Variants in DIS3L2 observed in about 807,000 individuals in gnomAD.
DIS3L2 encodes DIS3-like exonuclease 2.
DIS3L2 carries 34 observed loss-of-function variants against 97.5 expected under a neutral mutation model. That is an observed-to-expected ratio of 0.35 (90% CI 0.27 to 0.46). The LOEUF (loss-of-function observed/expected upper bound fraction) is 0.46, where lower values mean the gene tolerates loss of function less well. DIS3L2 is among the 20% of genes least tolerant of loss of function. DIS3L2 has a pLI of 1.00. For synonymous variants in DIS3L2, 435 were observed against 445.2 expected (o/e 0.98, Z 0.29); for missense variants, 1,038 against 1,146.0 (o/e 0.91, Z 1.36).
chr2:232,035,577 C>A (rs1292727208), intron 5 of DIS3L2, among the ~76,000 whole-genome samples: 5 of 152,170 alleles, frequency 3.3e-5, no homozygotes, highest in Non-Finnish European at 2.9e-5. Context: ...TTAGTTGATG[C>A]AGTTTCTTCA....
chr2:232,296,663 T>G (rs957057180), intron 13 of DIS3L2, among the ~76,000 whole-genome samples: 1 of 152,218 alleles, frequency 6.6e-6, no homozygotes, highest in Non-Finnish European at 1.5e-5. Context: ...TTGCCTTTGC[T>G]TCTCCTTTGC....
intron 12 of DIS3L2, among the ~76,000 whole-genome samples, chr2:232,251,350 AAG>A (rs1287209023): frequency 2.0e-5 from 3 of 152,172 alleles, no homozygotes; most frequent in African/African-American, 7.2e-5. Context: ...GAGGGAAAAA[AAG>A]AGCTCTTGGG....
chr2:232,026,655 G>T (rs1219061009), intron 4 of DIS3L2, among the ~76,000 whole-genome samples: 1 of 152,090 alleles, frequency 6.6e-6, no homozygotes, highest in East Asian at 1.9e-4. Context: ...TGTCTGATGG[G>T]GAGGGTTGTG....
downstream of DIS3L2, among the ~76,000 whole-genome samples, chr2:232,338,550 G>C (rs1305584351): frequency 2.7e-5 from 4 of 150,910 alleles, no homozygotes; most frequent in Non-Finnish European, 5.9e-5. Flanking sequence ...GTATCCACGA[G>C]GGTCAGGTCA....
chr2:232,006,885 C>T lies in DIS3L2; in HGVS notation c.-93-7950C>T, dbSNP rs1017322427. ...AAAAAACAAGCAAACTGAGAGAATGCCATTATTTAAGTAGTGAGGATTTTT... is the reference window on the plus strand; with the variant it reads ...AAAAAACAAGCAAACTGAGAGAATGTCATTATTTAAGTAGTGAGGATTTTT... On this transcript the variant is annotated intron_variant, in intron 1 of 20. Coordinates refer to ENST00000325385, the MANE Select transcript of DIS3L2 (RefSeq NM_152383.5). 3.3e-5 allele frequency among the ~76,000 whole-genome samples: 5 copies of T among 152,078 alleles called. 1 individual carries two copies. Among genetic ancestry groups the T allele is most frequent in the African/African-American group, 9.7e-5 (4 of 41,384 alleles).
intron 14 of DIS3L2, among the ~76,000 whole-genome samples, chr2:232,300,433 G>A (rs1694824753): frequency 6.6e-6 from 1 of 152,138 alleles, no homozygotes; most frequent in Non-Finnish European, 1.5e-5. Flanking sequence ...GTGCCTGCTT[G>A]TTTGGTTCAC....
At chr2:232,045,483 AG>A (rs1189426664) in intron 5 of DIS3L2, among the ~76,000 whole-genome samples, 21 of 152,270 alleles carry the variant, frequency 1.4e-4, no homozygotes, top group African/African-American at 4.8e-4. Context: ...TCAAAGATCA[AG>A]GCACTGGCAG....
rs144414610 is a variant in DIS3L2, at chr2:232,314,957, C to T, written c.1739+14838C>T. Among the ~76,000 whole-genome samples the T allele has an allele frequency of 8.5e-3, 1,292 of 152,308 alleles. 23 individuals carry two copies. The highest frequency in any genetic ancestry group is 0.049 in the Admixed American group (747 of 15,302). On this transcript the variant is annotated intron_variant, in intron 14 of 20. Coordinates refer to ENST00000325385, the MANE Select transcript of DIS3L2 (RefSeq NM_152383.5). ...TTTCTCAGAAGGTCCTGGAATGACT[C>T]GTTTCTCTCTCTGCCTCTCTGGGTA...
At chr2:232,038,936 A>T (rs1695029636) in intron 5 of DIS3L2, among the ~76,000 whole-genome samples, 1 of 152,198 alleles carries the variant, frequency 6.6e-6, no homozygotes, top group Non-Finnish European at 1.5e-5. Flanking sequence ...GCTTAGTGCT[A>T]CCTACTTCTA....
At chr2:232,236,464 G>T (rs1382803495) in intron 10 of DIS3L2, among the ~76,000 whole-genome samples, 1 of 152,136 alleles carries the variant, frequency 6.6e-6, no homozygotes. Context: ...TTCAGGCTCA[G>T]CTGGATCCTG....
chr2:232,029,943 A>C, intron 4 of DIS3L2, 36 bp from the exon 5 acceptor site: 1 of 1,485,640 alleles, frequency 6.7e-7, no homozygotes, highest in South Asian at 1.3e-5. Flanking sequence ...ATGTGTTTTT[A>C]AGCTCACTAT....
chr2:232,046,912 A>C (rs966203651), intron 5 of DIS3L2, among the ~76,000 whole-genome samples: 1 of 152,126 alleles, frequency 6.6e-6, no homozygotes, highest in Non-Finnish European at 1.5e-5. Context: ...TTGGCTTCCC[A>C]AAATGCTGGG....
intron 14 of DIS3L2, among the ~76,000 whole-genome samples, chr2:232,302,179 C>G (rs1042242481): frequency 1.3e-5 from 2 of 151,198 alleles, no homozygotes; most frequent in East Asian, 3.9e-4. Flanking sequence ...TAGGTGGGAA[C>G]TGAACAATGA....
intron 5 of DIS3L2, among the ~76,000 whole-genome samples, chr2:232,033,541 C>T (rs1195769567): frequency 6.6e-6 from 1 of 152,168 alleles, no homozygotes; most frequent in East Asian, 1.9e-4. Context: ...GCATCCTTGT[C>T]TTGTGCCGGT....
At chr2:232,343,222 C>T (rs940400861) in intron 13 of DIS3L2, 21 of 779,378 alleles carry the variant, frequency 2.7e-5, no homozygotes, top group Admixed American at 4.9e-5. Context: ...AAAGGCCATG[C>T]TGTATCTTTC....
chr2:232,328,114 A>G (rs150680347), intron 14 of DIS3L2, among the ~76,000 whole-genome samples: 36 of 152,300 alleles, frequency 2.4e-4, no homozygotes, highest in Middle Eastern at 3.4e-3. Context: ...GGGGTGGCAC[A>G]TCACAGGCCG....
intron 8 of DIS3L2, among the ~76,000 whole-genome samples, chr2:232,163,222 G>A (rs1044792583): frequency 1.3e-5 from 2 of 152,098 alleles, no homozygotes; most frequent in Non-Finnish European, 2.9e-5. Context: ...TGTTTCTCAA[G>A]TCAGAATGTC....
chr2:232,148,308 A>G (rs1341797183), intron 8 of DIS3L2, among the ~76,000 whole-genome samples: 1 of 151,978 alleles, frequency 6.6e-6, no homozygotes, highest in Admixed American at 6.6e-5. Context: ...TGGCCTCCCA[A>G]AGTGCTGGGA....
chr2:232,084,944 A>G (rs917746727), intron 5 of DIS3L2, among the ~76,000 whole-genome samples: 4 of 152,172 alleles, frequency 2.6e-5, no homozygotes, highest in African/African-American at 9.7e-5. Flanking sequence ...ATATTATAAT[A>G]TTAATTGTCT....
Sources: gnomAD v4.1 joint callset for allele counts (sites outside exome capture counted in the v4.1 genomes callset) on GRCh38, gnomAD v4.1.1 for gene constraint, MANE v1.5 for transcripts, NCBI Gene and HGNC (gene_info 2026-07-23, HGNC 2026-07-21) for gene names.